The following CDH9 variants were observed in gnomAD, a reference collection of about 807,000 sequenced individuals.
CDH9 encodes the protein cadherin 9, also known as cadherin-9.
Under a neutral mutation model 70.9 loss-of-function variants are expected in CDH9, and 28 were observed. That is an observed-to-expected ratio of 0.40 (90% CI 0.29 to 0.54). The LOEUF (loss-of-function observed/expected upper bound fraction) is 0.54, where lower values mean the gene tolerates loss of function less well. CDH9 is among the 20% of genes least tolerant of loss of function. The probability of loss-of-function intolerance (pLI) is 0.59; values close to 1 mark genes in which losing one functional copy is unlikely to be tolerated. For synonymous variants in CDH9, 409 were observed against 343.1 expected, an observed-to-expected ratio of 1.19 and a Z score of -2.12; for missense variants, 874 against 984.4, an observed-to-expected ratio of 0.89 and a Z score of 1.50.
At chr5:26,894,063 C>T (rs145780463) in intron 7 of CDH9, among the ~76,000 whole-genome samples, 93 of 152,164 alleles carry the variant, frequency 6.1e-4, no homozygotes, top group African/African-American at 1.7e-3. Context: ...AAACCTAAAA[C>T]GTACACAAAG....
At chr5:26,952,885 A>C (rs1185668201) in intron 2 of CDH9, among the ~76,000 whole-genome samples, 1 of 127,220 alleles carries the variant, frequency 7.9e-6, no homozygotes, top group African/African-American at 2.9e-5. Flanking sequence ...GAGTTAAACC[A>C]AAAATGTTTC....
chr5:26,964,010 C>A (rs1193519784), intron 2 of CDH9, among the ~76,000 whole-genome samples: 4 of 151,946 alleles, frequency 2.6e-5, no homozygotes, highest in African/African-American at 9.6e-5. Flanking sequence ...TTAACCTTTT[C>A]CATAAAATAA....
rs149795190 is a variant in CDH9, at chr5:26,972,999, G to T, written c.228+15107C>A. 1.6e-3 allele frequency among the ~76,000 whole-genome samples: 244 copies of T among 152,054 alleles called. 1 individual carries two copies. Among genetic ancestry groups the T allele is most frequent in the Non-Finnish European group, 2.8e-3 (188 of 68,016 alleles). On this transcript the variant is annotated intron_variant, in intron 2 of 11. Coordinates refer to ENST00000231021, the MANE Select transcript of CDH9 (RefSeq NM_016279.4). ...CTGCCTCAGCCTTCCAAGTAGCTGC[G>T]ACTACAAGCGTGTGCTACCACACTC...
chr5:26,889,497 A>G (rs893030955), intron 9 of CDH9, among the ~76,000 whole-genome samples: 2 of 152,144 alleles, frequency 1.3e-5, no homozygotes, highest in African/African-American at 4.8e-5. Flanking sequence ...GGTTTTATTT[A>G]ATGATATATT....
At chr5:26,940,246 T>C (rs1457902497) in intron 2 of CDH9, among the ~76,000 whole-genome samples, 1 of 152,016 alleles carries the variant, frequency 6.6e-6, no homozygotes, top group Non-Finnish European at 1.5e-5. Context: ...GCATAATTCC[T>C]AGAACATGAT....
At chr5:26,981,451 A>C (rs146585307) in intron 2 of CDH9, among the ~76,000 whole-genome samples, 1 of 152,250 alleles carries the variant, frequency 6.6e-6, no homozygotes, top group African/African-American at 2.4e-5. Flanking sequence ...TTTTCACTAA[A>C]GGTGCAACAA....
chr5:27,033,868 A>T (rs1743349124), intron 1 of CDH9, among the ~76,000 whole-genome samples: 1 of 151,564 alleles, frequency 6.6e-6, no homozygotes, highest in African/African-American at 2.4e-5. Flanking sequence ...AAAGCAGTAT[A>T]TTTTATATAA....
chr5:26,893,290 G>C (rs1740692294), intron 7 of CDH9, among the ~76,000 whole-genome samples: 1 of 152,184 alleles, frequency 6.6e-6, no homozygotes, highest in South Asian at 2.1e-4. Flanking sequence ...CTGCTTCAAA[G>C]AGAGTATTTG....
At chr5:26,917,595 T>C (rs1420305092) in intron 2 of CDH9, among the ~76,000 whole-genome samples, 1 of 152,098 alleles carries the variant, frequency 6.6e-6, no homozygotes, top group African/African-American at 2.4e-5. Context: ...TTAGAAATGT[T>C]TCACATTTTA....
intron 5 of CDH9, among the ~76,000 whole-genome samples, chr5:26,905,534 G>A (rs1740930184): frequency 6.6e-6 from 1 of 152,112 alleles, no homozygotes; most frequent in Non-Finnish European, 1.5e-5. Context: ...TGTAAAACAA[G>A]GTAGCTGAGG....
At chr5:26,987,981 A>T in intron 2 of CDH9, 125 bp downstream of exon 2, 1 of 681,898 alleles carries the variant, frequency 1.5e-6, no homozygotes, top group Non-Finnish European at 2.4e-6. Context: ...AGTTTGCAAT[A>T]TCACACCTTC....
At chr5:26,974,954 C>G (rs1250130428) in intron 2 of CDH9, among the ~76,000 whole-genome samples, 1 of 152,148 alleles carries the variant, frequency 6.6e-6, no homozygotes, top group African/African-American at 2.4e-5. Flanking sequence ...CTATCACTAA[C>G]AGTTTTGACC....
intron 7 of CDH9, among the ~76,000 whole-genome samples, chr5:26,901,269 A>G: frequency 6.6e-6 from 1 of 152,052 alleles, no homozygotes; most frequent in African/African-American, 2.4e-5. Context: ...TATTTTTTTA[A>G]AACAGATGTT....
At chr5:26,992,242 A>G (rs2115308) in intron 1 of CDH9, among the ~76,000 whole-genome samples, 79,665 of 151,928 alleles carry the variant, frequency 0.52, 22,375 homozygotes, top group African/African-American at 0.69. Flanking sequence ...TCCCTAACAG[A>G]CCAGGGACCA....
chr5:26,978,142 T>C (rs1203261725), intron 2 of CDH9, among the ~76,000 whole-genome samples: 2 of 150,934 alleles, frequency 1.3e-5, no homozygotes, highest in East Asian at 3.9e-4. Context: ...CTAAGCTTTC[T>C]AGAGAGTAAA....
intron 3 of CDH9, 78 bp downstream of exon 3, chr5:26,915,552 C>G (rs928449271): frequency 1.7e-5 from 14 of 838,642 alleles, no homozygotes; most frequent in Non-Finnish European, 2.6e-5. Flanking sequence ...GGCCACATAT[C>G]ATAACCACAA....
chr5:26,886,813 T>C (rs200684234), intron 9 of CDH9, among the ~76,000 whole-genome samples: 1 of 152,126 alleles, frequency 6.6e-6, no homozygotes, highest in East Asian at 1.9e-4. Flanking sequence ...CAGCCAACTA[T>C]GGGTTGGGCA....
At chr5:26,967,255 GTCTTTTC>G in intron 2 of CDH9, among the ~76,000 whole-genome samples, 1 of 152,094 alleles carries the variant, frequency 6.6e-6, no homozygotes, top group African/African-American at 2.4e-5. Context: ...CACCTGGCTT[GTCTTTTC>G]TTCTATCCTT....
chr5:27,021,838 C>T (rs994160537), intron 1 of CDH9, among the ~76,000 whole-genome samples: 1 of 151,918 alleles, frequency 6.6e-6, no homozygotes, highest in South Asian at 2.1e-4. Flanking sequence ...TAATTTCCTT[C>T]TTCATAACAT....
Sources: gnomAD v4.1 joint callset for allele counts (sites outside exome capture counted in the v4.1 genomes callset) on GRCh38, gnomAD v4.1.1 for gene constraint, MANE v1.5 for transcripts, NCBI Gene and HGNC (gene_info 2026-07-23, HGNC 2026-07-21) for gene names.